The following PRKCA variants were observed in gnomAD, a reference collection of about 807,000 sequenced individuals.
PRKCA encodes protein kinase C alpha, also known as protein kinase C alpha type.
A neutral mutation model predicts 87.0 loss-of-function variants in PRKCA; 27 were observed. That is an observed-to-expected ratio of 0.31 (90% CI 0.23 to 0.43). PRKCA has a LOEUF of 0.43. PRKCA is among the 20% of genes least tolerant of loss of function. The pLI is 1.00. For synonymous variants in PRKCA, 329 were observed against 311.1 expected (o/e 1.06, Z -0.61); for missense variants, 518 against 852.3 (o/e 0.61, Z 4.88).
At chr17:66,547,700 G>A (rs1253479515) in intron 3 of PRKCA, among the ~76,000 whole-genome samples, 1 of 152,074 alleles carries the variant, frequency 6.6e-6, no homozygotes, top group African/African-American at 2.4e-5. Context: ...ATTGACAGAA[G>A]GCTGTGGACA....
intron 3 of PRKCA, among the ~76,000 whole-genome samples, chr17:66,543,329 TCTTC>T (rs1266988882): frequency 4.6e-5 from 7 of 152,196 alleles, no homozygotes; most frequent in Admixed American, 4.6e-4. Context: ...GGCTCTTCTC[TCTTC>T]CTTCTCACCA....
At chr17:66,575,657 G>A (rs1056600828) in intron 3 of PRKCA, among the ~76,000 whole-genome samples, 9 of 152,110 alleles carry the variant, frequency 5.9e-5, no homozygotes, top group South Asian at 2.1e-4. Context: ...AATTGAAACT[G>A]GAAAACAAAA....
chr17:66,468,412 T>C (rs974118843), intron 2 of PRKCA, among the ~76,000 whole-genome samples: 3 of 152,166 alleles, frequency 2.0e-5, no homozygotes, highest in Non-Finnish European at 4.4e-5. Context: ...GGTGCAGCAG[T>C]TTGTAGTCAG....
intron 2 of PRKCA, among the ~76,000 whole-genome samples, chr17:66,335,852 G>A (rs2143313492): frequency 1.3e-5 from 2 of 152,166 alleles, no homozygotes; most frequent in East Asian, 1.9e-4. Context: ...TAAATTCCTA[G>A]GGGTGAGATT....
rs531459144 is a variant in PRKCA, at chr17:66,374,307, G to A, written c.205+68180G>A. On this transcript the variant is annotated intron_variant, in intron 2 of 16. Transcript: ENST00000413366. ...AGCTCTTCTGTGTGCTAAGTGGCACGGACTGCTGTCTGTGGCTTCAGTCCC... is the reference window on the plus strand; with the variant it reads ...AGCTCTTCTGTGTGCTAAGTGGCACAGACTGCTGTCTGTGGCTTCAGTCCC... Among the ~76,000 whole-genome samples, 35 of 152,286 alleles carry A rather than the reference G, an allele frequency of 2.3e-4. No individual in the cohort carries two copies. The East Asian group carries it at 5.4e-3, about 24-fold the overall frequency.
intron 2 of PRKCA, among the ~76,000 whole-genome samples, chr17:66,482,113 A>AG (rs1291508029): frequency 5.5e-5 from 8 of 145,964 alleles, no homozygotes; most frequent in African/African-American, 2.0e-4. Context: ...AAAAAAAAAA[A>AG]AAAAGAAAAA....
intron 3 of PRKCA, among the ~76,000 whole-genome samples, chr17:66,529,363 A>G (rs1967460306): frequency 6.6e-6 from 1 of 152,128 alleles, no homozygotes; most frequent in Admixed American, 6.5e-5. Flanking sequence ...GAGTTCAAAG[A>G]GTCATTTCTT....
At chr17:66,332,161 A>G (rs1053326583) in intron 2 of PRKCA, among the ~76,000 whole-genome samples, 1 of 151,626 alleles carries the variant, frequency 6.6e-6, no homozygotes, top group Non-Finnish European at 1.5e-5. Flanking sequence ...GGTGATACCT[A>G]GGGCATCTTA....
At chr17:66,552,840 C>T (rs191837126) in intron 3 of PRKCA, among the ~76,000 whole-genome samples, 8 of 152,224 alleles carry the variant, frequency 5.3e-5, no homozygotes, top group Admixed American at 2.0e-4. Flanking sequence ...TGTCAGATGC[C>T]GCCTCCCGCC....
chr17:66,605,160 G>A (rs1050495702), intron 3 of PRKCA, among the ~76,000 whole-genome samples: 15 of 152,162 alleles, frequency 9.9e-5, no homozygotes, highest in African/African-American at 3.6e-4. Flanking sequence ...CAAGCATGGG[G>A]CCAATGTATT....
At chr17:66,476,574 C>G (rs1263878019) in intron 2 of PRKCA, among the ~76,000 whole-genome samples, 1 of 152,188 alleles carries the variant, frequency 6.6e-6, no homozygotes, top group Non-Finnish European at 1.5e-5. Flanking sequence ...CTGCCATTAC[C>G]TCTCAGCCTA....
intron 3 of PRKCA, among the ~76,000 whole-genome samples, chr17:66,502,756 G>A (rs1007261318): frequency 2.0e-5 from 3 of 152,190 alleles, no homozygotes; most frequent in Admixed American, 1.3e-4. Flanking sequence ...CTGGGTTCAC[G>A]CCATTCTCCT....
chr17:66,652,924 T>C (rs1239732333), intron 5 of PRKCA, among the ~76,000 whole-genome samples: 1 of 152,254 alleles, frequency 6.6e-6, no homozygotes, highest in African/African-American at 2.4e-5. Context: ...GAGACAATTA[T>C]TCTGCCTCAA....
intron 2 of PRKCA, among the ~76,000 whole-genome samples, chr17:66,368,948 A>G (rs546268328): frequency 1.3e-5 from 2 of 152,212 alleles, no homozygotes; most frequent in Admixed American, 1.3e-4. Context: ...TAGTTTCGTA[A>G]TCTGTAGATC....
chr17:66,333,501 A>G (rs1906475811), intron 2 of PRKCA, among the ~76,000 whole-genome samples: 1 of 152,190 alleles, frequency 6.6e-6, no homozygotes, highest in African/African-American at 2.4e-5. Flanking sequence ...ATGCTCACTC[A>G]GTTGCCTTTT....
intron 5 of PRKCA, among the ~76,000 whole-genome samples, chr17:66,676,006 G>A (rs1933305840): frequency 6.6e-6 from 1 of 152,138 alleles, no homozygotes; most frequent in Non-Finnish European, 1.5e-5. Flanking sequence ...CGTGGGAAGG[G>A]CGCTCGGTAA....
intron 2 of PRKCA, among the ~76,000 whole-genome samples, chr17:66,486,033 G>A (rs7225164): frequency 0.35 from 53,077 of 151,984 alleles, 9,727 homozygotes; most frequent in Middle Eastern, 0.47. Context: ...GTACTGCCAA[G>A]TGAGGAAGGC....
intron 2 of PRKCA, among the ~76,000 whole-genome samples, chr17:66,400,387 AG>A (rs1247373809): frequency 6.6e-6 from 1 of 152,192 alleles, no homozygotes; most frequent in African/African-American, 2.4e-5. Flanking sequence ...CCTGACCTCA[AG>A]TGATCCCCCC....
chr17:66,799,644 T>C (rs1453597875), intron 16 of PRKCA, among the ~76,000 whole-genome samples: 1 of 109,456 alleles, frequency 9.1e-6, no homozygotes, highest in Non-Finnish European at 1.7e-5. Context: ...GTGGTGGTGA[T>C]GGTGGTGGTA....
Sources: allele counts gnomAD v4.1 joint callset (sites outside exome capture counted in the v4.1 genomes callset), GRCh38; gene constraint gnomAD v4.1.1; transcripts MANE v1.5; gene names NCBI Gene and HGNC (gene_info 2026-07-23, HGNC 2026-07-21).